Variants in NBAS observed in about 807,000 individuals in gnomAD.
NBAS encodes the protein NAG/BC035112 fusion.
Under a neutral mutation model 302.5 loss-of-function variants are expected in NBAS, and 219 were observed. The observed-to-expected ratio is 0.72, with a 90% CI of 0.65 to 0.81. The LOEUF is 0.81. Ranked by LOEUF, NBAS falls within the 30% of genes least tolerant of loss-of-function variation. The pLI is 0.00. For synonymous variants in NBAS, 1,118 were observed against 1,021.6 expected (o/e 1.09, Z -1.80); for missense variants, 2,932 against 2,841.6 (o/e 1.03, Z -0.72).
the NBAS span, among the ~76,000 whole-genome samples, chr2:14,782,925 A>G: frequency 6.6e-6 from 1 of 152,146 alleles, no homozygotes; most frequent in African/African-American, 2.4e-5. Flanking sequence ...ATGGACACAT[A>G]GAGGGGAATA....
chr2:14,929,228 T>TA, the NBAS span, among the ~76,000 whole-genome samples: 1 of 152,194 alleles, frequency 6.6e-6, no homozygotes, highest in South Asian at 2.1e-4. Flanking sequence ...AGGTAAGTCT[T>TA]ACATGCTCTA....
At chr2:15,228,557 A>G (rs769139547) in intron 47 of NBAS, among the ~76,000 whole-genome samples, 4 of 152,240 alleles carry the variant, frequency 2.6e-5, no homozygotes, top group African/African-American at 7.2e-5. Context: ...TTGCAGTACT[A>G]TTCATAATAG....
At chr2:15,020,544 G>C in the NBAS span, among the ~76,000 whole-genome samples, 1 of 152,156 alleles carries the variant, frequency 6.6e-6, no homozygotes, top group Non-Finnish European at 1.5e-5. Context: ...CAAAGGCTGT[G>C]GAGAGATTGG....
At chr2:15,263,505 G>A (rs1389021048) in intron 44 of NBAS, among the ~76,000 whole-genome samples, 1 of 152,188 alleles carries the variant, frequency 6.6e-6, no homozygotes, top group Admixed American at 6.6e-5. Flanking sequence ...AGGTATACAA[G>A]AGTTTTCATT....
chr2:15,241,943 C>A (rs1447883264), intron 44 of NBAS, among the ~76,000 whole-genome samples: 1 of 152,192 alleles, frequency 6.6e-6, no homozygotes, highest in African/African-American at 2.4e-5. Flanking sequence ...TTACCTGGTG[C>A]TTTTACTTGC....
intron 7 of NBAS, among the ~76,000 whole-genome samples, chr2:15,536,939 T>C (rs1223101710): frequency 6.6e-6 from 1 of 152,242 alleles, no homozygotes; most frequent in Admixed American, 6.5e-5. Context: ...AGCAGTAGCC[T>C]GCGGTAAAAA....
At chr2:15,533,894 A>C (rs1256511656) in intron 9 of NBAS, among the ~76,000 whole-genome samples, 1 of 151,990 alleles carries the variant, frequency 6.6e-6, no homozygotes, top group Admixed American at 6.6e-5. Flanking sequence ...AAATTCAAAA[A>C]CTCAAGTTAT....
chr2:15,520,716 T>C lies in NBAS; in HGVS notation c.747-9366A>G, dbSNP rs2287277. On this transcript the variant is annotated intron_variant, in intron 9 of 51. Transcript: ENST00000281513. ...TTGAATTTCATATGATTTTCATGTATGATAAAATATTCTTTTGAGGTTTTT... is the reference window on the plus strand; with the variant it reads ...TTGAATTTCATATGATTTTCATGTACGATAAAATATTCTTTTGAGGTTTTT... Among the ~76,000 whole-genome samples the C allele has an allele frequency of 3.7e-4, 57 of 152,330 alleles. No homozygotes were observed. The East Asian group carries it at 9.6e-3, about 26-fold the overall frequency.
intron 25 of NBAS, among the ~76,000 whole-genome samples, chr2:15,411,976 G>C (rs1203343068): frequency 3.3e-5 from 5 of 152,004 alleles, no homozygotes. Context: ...TTTCCAAGGA[G>C]GAATCCAAGC....
At chr2:15,104,798 C>A in the NBAS span, among the ~76,000 whole-genome samples, 13 of 152,110 alleles carry the variant, frequency 8.5e-5, no homozygotes, top group African/African-American at 1.2e-4. Flanking sequence ...TCTCTAATGA[C>A]CAGTGACGAT....
At chr2:15,519,429 ATTTC>A (rs1290172965) in intron 9 of NBAS, among the ~76,000 whole-genome samples, 1 of 151,260 alleles carries the variant, frequency 6.6e-6, no homozygotes, top group Non-Finnish European at 1.5e-5. Context: ...CAACTTCTTC[ATTTC>A]TTTATTTTTT....
At chr2:15,471,152 A>G (rs1040743085) in intron 16 of NBAS, among the ~76,000 whole-genome samples, 7 of 152,192 alleles carry the variant, frequency 4.6e-5, no homozygotes, top group African/African-American at 1.7e-4. Context: ...CTCAGAGACA[A>G]AAACTGTCCT....
chr2:15,248,739 C>T (rs577131202), intron 44 of NBAS, among the ~76,000 whole-genome samples: 21 of 152,254 alleles, frequency 1.4e-4, no homozygotes, highest in African/African-American at 5.1e-4. Flanking sequence ...TTCCTGGACA[C>T]ATACACCCTC....
At chr2:15,210,323 C>T (rs909254624) in intron 48 of NBAS, among the ~76,000 whole-genome samples, 4 of 152,016 alleles carry the variant, frequency 2.6e-5, no homozygotes, top group African/African-American at 9.7e-5. Context: ...TCTGAATAGA[C>T]ATTTCTCAAA....
intron 48 of NBAS, among the ~76,000 whole-genome samples, chr2:15,195,214 A>G (rs982964024): frequency 6.6e-6 from 1 of 152,188 alleles, no homozygotes; most frequent in Admixed American, 6.5e-5. Context: ...AAGAGATGAG[A>G]TATTTAAGAG....
At chr2:14,969,134 T>C in the NBAS span, among the ~76,000 whole-genome samples, 2 of 152,154 alleles carry the variant, frequency 1.3e-5, no homozygotes, top group African/African-American at 2.4e-5. Context: ...TTCTATGACA[T>C]GCCTAGAATA....
chr2:15,229,998 T>C (rs1667313623), intron 47 of NBAS, among the ~76,000 whole-genome samples: 1 of 152,062 alleles, frequency 6.6e-6, no homozygotes, highest in Non-Finnish European at 1.5e-5. Context: ...TGAAGATGTA[T>C]ATGAGTGAGG....
the NBAS span, among the ~76,000 whole-genome samples, chr2:15,001,374 G>T: frequency 6.6e-6 from 1 of 151,980 alleles, no homozygotes; most frequent in South Asian, 2.1e-4. Context: ...CCACACATTT[G>T]CTTGCTATTC....
the NBAS span, among the ~76,000 whole-genome samples, chr2:15,140,182 T>G: frequency 1.3e-5 from 2 of 152,216 alleles, no homozygotes. Context: ...GAGGTTCCAG[T>G]GAATAGCCCG....
Sources: gnomAD v4.1 joint callset for allele counts (sites outside exome capture counted in the v4.1 genomes callset) on GRCh38, gnomAD v4.1.1 for gene constraint, MANE v1.5 for transcripts, NCBI Gene and HGNC (gene_info 2026-07-23, HGNC 2026-07-21) for gene names.